FRMD4A: variants seen among roughly 807,000 people sequenced by gnomAD.
FRMD4A encodes the protein FERM domain containing 4A.
FRMD4A carries 29 observed loss-of-function variants against 129.1 expected under a neutral mutation model. The ratio of observed to expected loss-of-function variants is 0.22; its 90% confidence interval spans 0.17 to 0.31. The LOEUF (loss-of-function observed/expected upper bound fraction) is 0.31, where lower values mean the gene tolerates loss of function less well. Among genes scored for constraint, FRMD4A ranks in the 10% least tolerant of loss-of-function variants. The probability of loss-of-function intolerance (pLI) is 1.00; values close to 1 mark genes in which losing one functional copy is unlikely to be tolerated. For missense variants in FRMD4A, 1,272 were observed against 1,375.8 expected, an observed-to-expected ratio of 0.92 and a Z score of 1.19; for synonymous variants, 634 against 571.6, an observed-to-expected ratio of 1.11 and a Z score of -1.56.
intron 3 of FRMD4A, among the ~76,000 whole-genome samples, chr10:13,820,656 C>A (rs2093616491): frequency 6.6e-6 from 1 of 152,246 alleles, no homozygotes; most frequent in African/African-American, 2.4e-5. Context: ...TCAGCTCCTG[C>A]TCTTCGCCAA....
intron 24 of FRMD4A, among the ~76,000 whole-genome samples, chr10:13,650,177 G>A (rs574811064): frequency 6.6e-6 from 1 of 152,328 alleles, no homozygotes; most frequent in Admixed American, 6.5e-5. Context: ...GCATAGGGAG[G>A]TGGGGCTGCT....
intron 2 of FRMD4A, among the ~76,000 whole-genome samples, chr10:13,946,988 A>T (rs1290237991): frequency 6.6e-6 from 1 of 152,140 alleles, no homozygotes; most frequent in African/African-American, 2.4e-5. Flanking sequence ...AGGCTTCAGG[A>T]AGGTACCTGA....
At chr10:13,707,383 G>T in intron 12 of FRMD4A, 1 of 1,135,386 alleles carries the variant, frequency 8.8e-7, no homozygotes, top group East Asian at 4.6e-5. Context: ...CTCCGCCTTC[G>T]GTCGGCCTTT....
chr10:13,747,742 G>C lies in FRMD4A; in HGVS notation c.542C>G (p.Ala181Gly), dbSNP rs75568147. The C allele has an allele frequency of 1.3e-6, 2 of 1,569,600 alleles. No individual in the cohort carries two copies. Among genetic ancestry groups the C allele is most frequent in the African/African-American group, 2.7e-5 (2 of 74,146 alleles). ...TQALKEHPSL[A>G]YCEDRVIEHY... The stretch of plus-strand genomic sequence containing the variant: ...AAGACTCCAGGGGTCTTACCAGTAG[G>C]CCAGGGAAGGGTGCTCCTTCAGGGC... Residue 181 changes from alanine (A) to glycine (G), a missense_variant, in exon 9 of 25, where the codon GCC becomes GGC. Transcript: ENST00000357447.
intron 12 of FRMD4A, 82 bp downstream of exon 12, chr10:13,737,762 G>A (rs1018212951): frequency 4.0e-5 from 31 of 772,892 alleles, no homozygotes; most frequent in Admixed American, 8.0e-5. Flanking sequence ...GCTGCATGGC[G>A]TTAGCATTTT....
intron 2 of FRMD4A, among the ~76,000 whole-genome samples, chr10:14,009,193 A>G (rs2095672559): frequency 6.6e-6 from 1 of 152,144 alleles, no homozygotes; most frequent in South Asian, 2.1e-4. Flanking sequence ...ACTTTTCTGT[A>G]ATATTTTCCC....
intron 2 of FRMD4A, among the ~76,000 whole-genome samples, chr10:14,238,216 T>C (rs995649656): frequency 2.0e-5 from 3 of 152,212 alleles, no homozygotes; most frequent in Non-Finnish European, 4.4e-5. Context: ...CTCATTCTCA[T>C]AATAATTCTG....
In FRMD4A at chr10:13,964,681, T is replaced by G. The variant is rs530354885; in HGVS notation, c.46-105769A>C. On this transcript the variant is annotated intron_variant, in intron 2 of 24. Coordinates refer to ENST00000357447, the MANE Select transcript of FRMD4A (RefSeq NM_018027.5). Reference sequence around the variant, plus strand: ...ACTAATGCCTCTTCTTTTGTTTTTTTTTTTTTTTTGAGACAGAGTTTCGCT... The same window carrying G: ...ACTAATGCCTCTTCTTTTGTTTTTTGTTTTTTTTTGAGACAGAGTTTCGCT... Among the ~76,000 whole-genome samples, 41 of 150,944 alleles carry G rather than the reference T, an allele frequency of 2.7e-4. 2 individuals are homozygous for G. The South Asian group carries it at 6.1e-3, about 23-fold the overall frequency.
intron 2 of FRMD4A, among the ~76,000 whole-genome samples, chr10:13,987,018 G>C (rs151326217): frequency 1.4e-4 from 22 of 152,246 alleles, no homozygotes; most frequent in African/African-American, 5.3e-4. Flanking sequence ...CTGATGTTCT[G>C]GCTATGTGAC....
At chr10:14,213,016 C>G (rs1842974404) in intron 2 of FRMD4A, among the ~76,000 whole-genome samples, 3 of 152,134 alleles carry the variant, frequency 2.0e-5, no homozygotes, top group African/African-American at 7.2e-5. Context: ...GCAGGAGGAT[C>G]TCTTGAGGCC....
chr10:14,062,544 G>A (rs975459621), intron 2 of FRMD4A, among the ~76,000 whole-genome samples: 6 of 152,188 alleles, frequency 3.9e-5, no homozygotes, highest in East Asian at 1.9e-4. Flanking sequence ...CAAATAAGGC[G>A]TTGTAACCAA....
At chr10:14,168,698 T>A (rs915947282) in intron 2 of FRMD4A, among the ~76,000 whole-genome samples, 1 of 152,234 alleles carries the variant, frequency 6.6e-6, no homozygotes, top group Non-Finnish European at 1.5e-5. Flanking sequence ...ATAGCTAACA[T>A]TTATTATGAC....
At chr10:14,188,696 G>C (rs1386485768) in intron 2 of FRMD4A, among the ~76,000 whole-genome samples, 1 of 152,180 alleles carries the variant, frequency 6.6e-6, no homozygotes, top group Non-Finnish European at 1.5e-5. Context: ...CTTAAGCCCA[G>C]GAGTTTGAGA....
At chr10:13,860,434 T>C (rs1333893405) in intron 2 of FRMD4A, among the ~76,000 whole-genome samples, 1 of 152,236 alleles carries the variant, frequency 6.6e-6, no homozygotes, top group African/African-American at 2.4e-5. Context: ...CAGGCTAGTA[T>C]GAAATAGCTC....
At chr10:13,954,598 G>A (rs1193139255) in intron 2 of FRMD4A, among the ~76,000 whole-genome samples, 21 of 152,252 alleles carry the variant, frequency 1.4e-4, no homozygotes. Flanking sequence ...CTCAAGTCAT[G>A]GGAAGGGGAA....
intron 5 of FRMD4A, among the ~76,000 whole-genome samples, chr10:13,795,427 G>C (rs2093093795): frequency 6.6e-6 from 1 of 152,170 alleles, no homozygotes; most frequent in South Asian, 2.1e-4. Flanking sequence ...TCATACACTC[G>C]AGCCTGTTAA....
intron 2 of FRMD4A, among the ~76,000 whole-genome samples, chr10:13,862,937 T>C (rs1439014733): frequency 2.0e-5 from 2 of 98,062 alleles, no homozygotes; most frequent in Non-Finnish European, 4.4e-5. Flanking sequence ...TGTTCTGTTT[T>C]GTTTTTTTTT....
chr10:14,168,363 A>G (rs1404415824), intron 2 of FRMD4A, among the ~76,000 whole-genome samples: 2 of 152,244 alleles, frequency 1.3e-5, no homozygotes, highest in Non-Finnish European at 2.9e-5. Flanking sequence ...TCTAATTGAC[A>G]GGATACCTTT....
At chr10:14,022,422 G>T (rs1283440475) in intron 2 of FRMD4A, among the ~76,000 whole-genome samples, 1 of 152,230 alleles carries the variant, frequency 6.6e-6, no homozygotes, top group Non-Finnish European at 1.5e-5. Flanking sequence ...GCTTAAAAGA[G>T]AACTTGACCT....
Sources: gnomAD v4.1 joint callset for allele counts (sites outside exome capture counted in the v4.1 genomes callset) on GRCh38, gnomAD v4.1.1 for gene constraint, MANE v1.5 for transcripts, NCBI Gene and HGNC (gene_info 2026-07-23, HGNC 2026-07-21) for gene names.